SCO1: variants seen among roughly 807,000 people sequenced by gnomAD.
SCO1 encodes cytochrome c oxidase assembly factor SCO1.
SCO1 carries 23 observed loss-of-function variants against 34.0 expected under a neutral mutation model. The observed-to-expected ratio is 0.68, with a 90% CI of 0.49 to 0.96. SCO1 has a LOEUF of 0.96. Among genes scored for constraint, SCO1 ranks in the 40% least tolerant of loss-of-function variants. SCO1 has a pLI of 0.00. For synonymous variants in SCO1, 161 were observed against 145.5 expected (o/e 1.11, Z -0.77); for missense variants, 404 against 381.6 (o/e 1.06, Z -0.49).
intron 5 of SCO1, among the ~76,000 whole-genome samples, chr17:10,682,835 TCTC>T (rs1212285086): frequency 1.3e-5 from 2 of 152,172 alleles, no homozygotes; most frequent in African/African-American, 2.4e-5. Flanking sequence ...AAACAGGTAT[TCTC>T]CTCCTCTTCA....
At chr17:10,686,866 G>T in intron 4 of SCO1, 24 bp from the exon 5 acceptor site, 1 of 1,494,960 alleles carries the variant, frequency 6.7e-7, no homozygotes, top group Non-Finnish European at 9.3e-7. Flanking sequence ...GAGAGAGACA[G>T]TGAAAAATGA....
At position 10,674,991 on chromosome 17, in the gene SCO1, A is replaced by G. The variant is rs2074571136; in HGVS notation, c.*6128T>C. Reference sequence around the variant, plus strand: ...TGCTCACCACAGCAGCCAACAAGGAATGTGCCCACTCTCCCCTTCAGTTTG... The same window carrying G: ...TGCTCACCACAGCAGCCAACAAGGAGTGTGCCCACTCTCCCCTTCAGTTTG... On this transcript the variant is annotated 3_prime_UTR_variant, in exon 6 of 6. Coordinates refer to ENST00000255390, the MANE Select transcript of SCO1 (RefSeq NM_004589.4). The G allele has an allele frequency of 6.6e-6, 1 of 152,292 alleles. No homozygotes were observed. The highest frequency in any genetic ancestry group is 2.4e-5 in the African/African-American group (1 of 41,430). 9.4% of individuals were successfully genotyped at this position (152,292 alleles called of 1,614,324 possible).
intron 5 of SCO1, among the ~76,000 whole-genome samples, chr17:10,684,734 T>C (rs1201499033): frequency 4.6e-5 from 7 of 152,238 alleles, no homozygotes; most frequent in Non-Finnish European, 1.5e-5. Context: ...AGCTCATCTA[T>C]TCCTGCTGTC....
chr17:10,675,753 A>G lies in SCO1; in HGVS notation c.*5366T>C, dbSNP rs1180699392. 1 of 152,170 alleles carries G rather than the reference A, an allele frequency of 6.6e-6. No individual in the cohort carries two copies. Among genetic ancestry groups the G allele is most frequent in the Non-Finnish European group, 1.5e-5 (1 of 68,046 alleles). The allele number at this position is 152,170 out of a possible 1,614,324, so 9.4% of individuals were successfully genotyped here. A position where few individuals can be genotyped will look rare whatever the true frequency, so the allele number is the denominator to read the frequency against. Reference sequence around the variant, plus strand: ...CAAATTTAAAGAAAAAAAACACCCAACAACGAGGACAAATGCGTTAGTCTT... The same window carrying G: ...CAAATTTAAAGAAAAAAAACACCCAGCAACGAGGACAAATGCGTTAGTCTT... On this transcript the variant is annotated 3_prime_UTR_variant, in exon 6 of 6. Transcript: ENST00000255390.
chr17:10,692,715 T>G (rs1597509693), intron 3 of SCO1, 49 bp downstream of exon 3: 2 of 1,485,612 alleles, frequency 1.3e-6, no homozygotes, highest in Admixed American at 1.7e-5. Flanking sequence ...AAAAACCTGG[T>G]AACATGAAGT....
intron 2 of SCO1, chr17:10,695,488 C>A: frequency 2.3e-6 from 1 of 432,922 alleles, no homozygotes; most frequent in South Asian, 2.3e-5. Flanking sequence ...CAAGTGAAAT[C>A]CAAATACAAT....
At chr17:10,683,254 A>G (rs1429807787) in intron 5 of SCO1, among the ~76,000 whole-genome samples, 1 of 152,108 alleles carries the variant, frequency 6.6e-6, no homozygotes, top group East Asian at 1.9e-4. Flanking sequence ...GTAACAATAT[A>G]TTCTACAGTA....
intron 1 of SCO1, 50 bp downstream of exon 1, chr17:10,697,185 C>G: frequency 6.8e-7 from 1 of 1,463,180 alleles, no homozygotes; most frequent in East Asian, 2.5e-5. Flanking sequence ...GGCCGCTGGG[C>G]TGGCCGACAG....
At position 10,681,157 on chromosome 17, in the gene SCO1, T is replaced by C. The variant is rs139771078; in HGVS notation, c.868A>G (p.Ile290Val). Residue 290 changes from isoleucine (I) to valine (V), a missense_variant, in exon 6 of 6, where the codon ATT (isoleucine) becomes GTT (valine). Physicochemically the swap from Ile to Val is conservative, Grantham distance 29. Coordinates refer to ENST00000255390, the MANE Select transcript of SCO1 (RefSeq NM_004589.4). ...CTGTATGGCCTCATGTGTGTGGCAA[T>C]TGAAGCAGCTATTTCTCCCTTCCTC... ...NKRKGEIAAS[I>V]ATHMRPYRKK... 1,262 of 1,614,190 alleles carry C rather than the reference T, an allele frequency of 7.8e-4. 3 individuals are homozygous for C. The highest frequency in any genetic ancestry group is 3.0e-3 in the South Asian group (271 of 91,088).
In SCO1 at chr17:10,695,733, C is replaced by A; in HGVS notation, c.364+8G>T. The A allele has an allele frequency of 6.3e-7, 1 of 1,588,554 alleles. No individual in the cohort carries two copies. The highest frequency in any genetic ancestry group is 1.1e-5 in the South Asian group (1 of 90,574). ...TATACAGGGCTGAGCAGATGATAAT[C>A]TACTTACTCTCTGCCTTTTCTTTCT... On this transcript the variant is annotated splice_region_variant and intron_variant, in intron 2 of 5. Transcript: ENST00000255390.
At chr17:10,686,666 C>T (rs1325867030) in intron 5 of SCO1, 61 bp downstream of exon 5, 49 of 962,984 alleles carry the variant, frequency 5.1e-5, no homozygotes, top group Non-Finnish European at 7.5e-5. Context: ...TCATTGAAAG[C>T]CTTATGACTA....
At chr17:10,694,655 T>G (rs1200480041) in intron 2 of SCO1, among the ~76,000 whole-genome samples, 2 of 152,198 alleles carry the variant, frequency 1.3e-5, no homozygotes, top group Non-Finnish European at 2.9e-5. Flanking sequence ...TCAGATTATT[T>G]AATAATACAT....
chr17:10,681,100 T>A lies in SCO1; in HGVS notation c.*19A>T. 1 of 1,614,206 alleles carries A rather than the reference T, an allele frequency of 6.2e-7. No individual in the cohort carries two copies. Among genetic ancestry groups the A allele is most frequent in the South Asian group, 1.1e-5 (1 of 91,084 alleles). On this transcript the variant is annotated 3_prime_UTR_variant, in exon 6 of 6. Coordinates refer to ENST00000255390, the MANE Select transcript of SCO1 (RefSeq NM_004589.4). ...TTCCTCTTAGCAAGAGAATACTGCA[T>A]CCAGCAACACTGCTTTGGCTAGCTC...
In SCO1 at chr17:10,680,777, C is replaced by T. The variant is rs1024178963; in HGVS notation, c.*342G>A. 8.0e-6 allele frequency: 3 copies of T among 374,436 alleles called. No homozygotes were observed. The highest frequency in any genetic ancestry group is 5.3e-5 in the South Asian group (2 of 37,926). 23.2% of individuals were successfully genotyped at this position (374,436 alleles called of 1,614,324 possible). On this transcript the variant is annotated 3_prime_UTR_variant, in exon 6 of 6. Coordinates refer to ENST00000255390, the MANE Select transcript of SCO1 (RefSeq NM_004589.4). Reference sequence around the variant, plus strand: ...AGGGCCCAAGACGATGGAGAGGCGGCAAAGCTGCTGGGAGGGCCTGTTCGC... The same window carrying T: ...AGGGCCCAAGACGATGGAGAGGCGGTAAAGCTGCTGGGAGGGCCTGTTCGC...
chr17:10,695,174 A>T (rs2074713922), intron 2 of SCO1, among the ~76,000 whole-genome samples: 1 of 152,180 alleles, frequency 6.6e-6, no homozygotes, highest in African/African-American at 2.4e-5. Context: ...ATCTACTCGC[A>T]CTATGCTCCT....
chr17:10,686,331 G>C (rs2074656192), intron 5 of SCO1, among the ~76,000 whole-genome samples: 1 of 152,092 alleles, frequency 6.6e-6, no homozygotes, highest in African/African-American at 2.4e-5. Flanking sequence ...GCTCACGTCT[G>C]TAATCCCAGT....
chr17:10,692,859 A>G lies in SCO1; in HGVS notation c.467T>C (p.Leu156Ser), dbSNP rs1205723858. 1 of 1,614,080 alleles carries G rather than the reference A, an allele frequency of 6.2e-7. No homozygotes were observed. Among genetic ancestry groups the G allele is most frequent in the Admixed American group, 1.7e-5 (1 of 60,024 alleles). The change falls in exon 3 of 6, where the codon TTG becomes TCG. Residue 156 changes from leucine to serine, a missense_variant. Transcript: ENST00000255390. ...AAAATAAATCAATAACCACTGACCCAAGTAGTCCTTGTCAGTTTTACGCTC... is the reference window on the plus strand; with the variant it reads ...AAAATAAATCAATAACCACTGACCCGAGTAGTCCTTGTCAGTTTTACGCTC... ...TGERKTDKDY[L>S]GQWLLIYFGF... is the part of the protein sequence containing the mutation.
intron 4 of SCO1, among the ~76,000 whole-genome samples, chr17:10,689,552 C>T (rs1203162472): frequency 6.6e-6 from 1 of 152,054 alleles, no homozygotes; most frequent in Non-Finnish European, 1.5e-5. Flanking sequence ...TTAAACTTGC[C>T]CATTTTCACA....
At chr17:10,686,988 AAGG>A (rs1212517778) in intron 4 of SCO1, 146 bp from the exon 5 acceptor site, 1 of 669,646 alleles carries the variant, frequency 1.5e-6, no homozygotes, top group Non-Finnish European at 2.7e-6. Flanking sequence ...TTCAAAGGAA[AAGG>A]AGAAGAAATT....
Sources: gnomAD v4.1 joint callset for allele counts (sites outside exome capture counted in the v4.1 genomes callset) on GRCh38, gnomAD v4.1.1 for gene constraint, MANE v1.5 for transcripts, NCBI Gene and HGNC (gene_info 2026-07-23, HGNC 2026-07-21) for gene names.